FARSB: variants seen among roughly 807,000 people sequenced by gnomAD.
The protein encoded by FARSB is phenylalanyl-tRNA synthetase subunit beta.
FARSB carries 40 observed loss-of-function variants against 69.6 expected under a neutral mutation model. The ratio of observed to expected loss-of-function variants is 0.57; its 90% CI spans 0.45 to 0.75. The LOEUF is 0.75. Among genes scored for constraint, FARSB ranks in the 30% least tolerant of loss-of-function variants. The probability of loss-of-function intolerance (pLI) is 0.00; values close to 1 mark genes in which losing one functional copy is unlikely to be tolerated. For missense variants in FARSB, 632 were observed against 722.9 expected, an observed-to-expected ratio of 0.87 and a Z score of 1.44; for synonymous variants, 235 against 247.2, an observed-to-expected ratio of 0.95 and a Z score of 0.46.
At position 222,568,724 on chromosome 2, in the gene FARSB, CAGCTACTCGGGA is replaced by C. The variant is rs2106168478; in HGVS notation, c.*3135_*3146del. The C allele has an allele frequency of 6.6e-6, 1 of 152,338 alleles. No individual in the cohort carries two copies. Among genetic ancestry groups the C allele is most frequent in the African/African-American group, 2.4e-5 (1 of 41,520 alleles). The allele number at this position is 152,338 out of a possible 1,614,324, so 9.4% of individuals were successfully genotyped here. On this transcript the variant is annotated 3_prime_UTR_variant, in exon 17 of 17. Coordinates refer to ENST00000281828, the MANE Select transcript of FARSB (RefSeq NM_005687.5). This position sits in a 1 kb window ranked among gnomAD's most constrained non-coding sequence, Gnocchi z 4.3. The stretch of plus-strand genomic sequence containing the variant: ...GCATGGTGGCACACACCTGTAGTCC[CAGCTACTCGGGA>C]AGCTGAGGCAGGAGAATTGCTTGAA...
At chr2:222,604,722 ATTT>A (rs56201038) in intron 15 of FARSB, among the ~76,000 whole-genome samples, 1 of 110,714 alleles carries the variant, frequency 9.0e-6, no homozygotes, top group African/African-American at 3.4e-5. Context: ...TGCCCACTGA[ATTT>A]TTTTTTTTTT....
intron 6 of FARSB, 42 bp downstream of exon 6, chr2:222,634,349 T>C (rs1380201509): frequency 9.1e-6 from 13 of 1,421,096 alleles, no homozygotes; most frequent in African/African-American, 1.4e-5. Flanking sequence ...TGGAATTTCA[T>C]GATTTTTGCA....
At chr2:222,577,372 C>T (rs536537520) in intron 16 of FARSB, among the ~76,000 whole-genome samples, 4 of 152,316 alleles carry the variant, frequency 2.6e-5, no homozygotes, top group Admixed American at 2.6e-4. Context: ...CATCTTTCAT[C>T]CCTTTCTGAA....
chr2:222,584,122 T>C (rs970384199), intron 16 of FARSB, among the ~76,000 whole-genome samples: 1 of 152,156 alleles, frequency 6.6e-6, no homozygotes, highest in Non-Finnish European at 1.5e-5. Flanking sequence ...ATTATTATTA[T>C]GGTTATAGAG....
At chr2:222,602,948 A>C (rs886152524) in intron 15 of FARSB, among the ~76,000 whole-genome samples, 1 of 152,100 alleles carries the variant, frequency 6.6e-6, no homozygotes, top group African/African-American at 2.4e-5. Flanking sequence ...TATTGTATCT[A>C]TAAAAGCTAT....
At chr2:222,592,373 A>C (rs1690297070) in intron 16 of FARSB, among the ~76,000 whole-genome samples, 1 of 152,160 alleles carries the variant, frequency 6.6e-6, no homozygotes, top group African/African-American at 2.4e-5. Context: ...AGTTTATCAG[A>C]ATACATCATG....
In FARSB at chr2:222,633,441, G is replaced by T. The variant is rs1691490165; in HGVS notation, c.607-134C>A. On this transcript the variant is annotated intron_variant, in intron 6 of 16. Transcript: ENST00000281828. ...CTCATGCCTGTAATCCCAGCACTTT[G>T]GGAGGCTGAGGCCGGTGGATCACCT... 6.5e-5 allele frequency: 32 copies of T among 494,316 alleles called. No homozygotes were observed. The South Asian group carries it at 7.1e-4, about 11-fold the overall frequency. The allele number at this position is 494,316 out of a possible 1,614,324, so 30.6% of individuals were successfully genotyped here.
intron 5 of FARSB, among the ~76,000 whole-genome samples, chr2:222,636,382 T>C (rs1310608946): frequency 9.1e-6 from 1 of 110,090 alleles, no homozygotes; most frequent in Non-Finnish European, 1.8e-5. Flanking sequence ...CGAGACTCTA[T>C]CTCAAAAAAA....
chr2:222,648,175 G>C (rs1286383659), intron 2 of FARSB, among the ~76,000 whole-genome samples: 1 of 151,954 alleles, frequency 6.6e-6, no homozygotes, highest in Non-Finnish European at 1.5e-5. Context: ...ATGTATAGCC[G>C]ACTTGATTTT....
chr2:222,647,929 G>C (rs1428618831), intron 2 of FARSB, among the ~76,000 whole-genome samples: 2 of 152,154 alleles, frequency 1.3e-5, no homozygotes, highest in African/African-American at 2.4e-5. Context: ...GTAAAAGGTT[G>C]CTTGGGCCAC....
intron 13 of FARSB, among the ~76,000 whole-genome samples, chr2:222,620,352 C>A (rs770444208): frequency 6.6e-6 from 1 of 152,196 alleles, no homozygotes. Flanking sequence ...GTAGGACTGA[C>A]AACAGAATTC....
chr2:222,581,347 G>A (rs1689964685), intron 16 of FARSB, among the ~76,000 whole-genome samples: 1 of 152,198 alleles, frequency 6.6e-6, no homozygotes, highest in South Asian at 2.1e-4. Flanking sequence ...TAATATGGGA[G>A]AGAAGAAATG....
intron 12 of FARSB, 45 bp from the exon 13 acceptor site, chr2:222,623,775 G>A (rs963828682): frequency 5.6e-6 from 7 of 1,241,122 alleles, no homozygotes; most frequent in Non-Finnish European, 8.2e-6. Flanking sequence ...ATTATTTCTT[G>A]TTTTTTAAAA....
intron 16 of FARSB, among the ~76,000 whole-genome samples, chr2:222,580,925 C>CA (rs889910999): frequency 2.0e-5 from 3 of 152,008 alleles, no homozygotes; most frequent in South Asian, 2.1e-4. Flanking sequence ...AACTATAACA[C>CA]AAAAAACCCT....
intron 1 of FARSB, among the ~76,000 whole-genome samples, chr2:222,655,668 G>T (rs192175041): frequency 6.6e-6 from 1 of 152,238 alleles, no homozygotes; most frequent in Non-Finnish European, 1.5e-5. Flanking sequence ...TTCCCACAGC[G>T]CTGCTATTGC....
chr2:222,630,218 TC>T, intron 8 of FARSB, 44 bp from the exon 9 acceptor site: 3 of 962,552 alleles, frequency 3.1e-6, no homozygotes, highest in Non-Finnish European at 4.7e-6. Context: ...ATAAATATAT[TC>T]TCTTCACTCA....
At chr2:222,647,399 T>TGGG (rs1370161604) in intron 2 of FARSB, among the ~76,000 whole-genome samples, 8 of 152,328 alleles carry the variant, frequency 5.3e-5, no homozygotes, top group African/African-American at 1.4e-4. Context: ...CAAGACCCAC[T>TGGG]ATGCAGTGGA....
chr2:222,636,047 T>A (rs560206297), intron 5 of FARSB, among the ~76,000 whole-genome samples: 95 of 140,536 alleles, frequency 6.8e-4, no homozygotes, highest in African/African-American at 2.5e-3. Flanking sequence ...ACCACTGTAG[T>A]CCAGCCTGGG....
chr2:222,584,247 A>T (rs1399251898), intron 16 of FARSB, among the ~76,000 whole-genome samples: 1 of 152,212 alleles, frequency 6.6e-6, no homozygotes, highest in East Asian at 1.9e-4. Flanking sequence ...TTGCATTTTT[A>T]AAATAAATTT....
Sources: gnomAD v4.1 joint callset for allele counts (sites outside exome capture counted in the v4.1 genomes callset) on GRCh38, gnomAD v4.1.1 for gene constraint, Gnocchi (gnomAD v3.1) non-coding constraint, MANE v1.5 for transcripts, NCBI Gene and HGNC (gene_info 2026-07-23, HGNC 2026-07-21) for gene names.